Variants in DLC1 observed in about 807,000 individuals in gnomAD.
DLC1 encodes rho GTPase-activating protein 7.
DLC1 carries 54 observed loss-of-function variants against 140.3 expected under a neutral mutation model. The observed-to-expected ratio is 0.38, with a 90% CI of 0.31 to 0.48. The LOEUF is 0.48. Among genes scored for constraint, DLC1 ranks in the 20% least tolerant of loss-of-function variants. The probability of loss-of-function intolerance (pLI) is 0.96; values close to 1 mark genes in which losing one functional copy is unlikely to be tolerated. For missense variants in DLC1, 2,536 were observed against 1,907.0 expected (o/e 1.33, Z -6.14); for synonymous variants, 986 against 728.1 (o/e 1.35, Z -5.70).
At chr8:13,132,047 G>A (rs1296066581) in intron 5 of DLC1, among the ~76,000 whole-genome samples, 1 of 152,178 alleles carries the variant, frequency 6.6e-6, no homozygotes, top group Non-Finnish European at 1.5e-5. Flanking sequence ...CTGTCGCCTT[G>A]TTACGAAAAT....
At chr8:13,319,043 G>T (rs1052046344) in intron 4 of DLC1, among the ~76,000 whole-genome samples, 2 of 152,182 alleles carry the variant, frequency 1.3e-5, no homozygotes, top group African/African-American at 4.8e-5. Context: ...GCTGGCTTTT[G>T]CAGACCTGGA....
At chr8:13,560,412 G>A (rs1397257621) in intron 1 of DLC1, among the ~76,000 whole-genome samples, 2 of 152,122 alleles carry the variant, frequency 1.3e-5, no homozygotes, top group Non-Finnish European at 2.9e-5. Flanking sequence ...AGAATATAAC[G>A]TGTACTCACA....
chr8:13,346,896 C>A (rs183446047), intron 4 of DLC1, among the ~76,000 whole-genome samples: 1 of 152,164 alleles, frequency 6.6e-6, no homozygotes, highest in East Asian at 1.9e-4. Context: ...TCACTTTCTC[C>A]GGTTTCAGTT....
intron 2 of DLC1, among the ~76,000 whole-genome samples, chr8:13,423,545 T>G (rs1838414776): frequency 6.6e-6 from 1 of 152,112 alleles, no homozygotes; most frequent in Admixed American, 6.5e-5. Context: ...CTAATTATAA[T>G]TATAAGAAGT....
chr8:13,351,143 A>G (rs1242767975), intron 4 of DLC1, among the ~76,000 whole-genome samples: 2 of 152,220 alleles, frequency 1.3e-5, no homozygotes. Context: ...ATATTTTCAA[A>G]TAACGAGGCT....
intron 5 of DLC1, among the ~76,000 whole-genome samples, chr8:13,265,589 A>G (rs756938355): frequency 1.3e-5 from 2 of 152,076 alleles, no homozygotes; most frequent in East Asian, 1.9e-4. Context: ...TCCATTTGTC[A>G]TAGTCTCCAA....
intron 4 of DLC1, among the ~76,000 whole-genome samples, chr8:13,355,045 A>G (rs920537473): frequency 6.6e-6 from 1 of 152,006 alleles, no homozygotes; most frequent in Non-Finnish European, 1.5e-5. Context: ...TGGGAGAGTT[A>G]TAGTCATAAT....
intron 2 of DLC1, chr8:13,498,784 A>G: frequency 2.9e-6 from 1 of 341,430 alleles, no homozygotes; most frequent in Non-Finnish European, 5.2e-6. Flanking sequence ...AAAGAAAGGG[A>G]TACCAATCCT....
intron 1 of DLC1, among the ~76,000 whole-genome samples, chr8:13,565,142 G>T (rs1804382183): frequency 6.6e-6 from 1 of 151,966 alleles, no homozygotes; most frequent in African/African-American, 2.4e-5. Context: ...CTGTCCACTG[G>T]GTCACGCTGA....
In DLC1 at chr8:13,474,763, G is replaced by A. The variant is rs371260712; in HGVS notation, c.1023+24286C>T. The stretch of plus-strand genomic sequence containing the variant: ...AGATGTGACTGCTCCATTGGATTTC[G>A]GACTTGCAAGGGGCCTGTAGCCCCT... On this transcript the variant is annotated intron_variant, in intron 2 of 17. Coordinates refer to ENST00000276297, the MANE Select transcript of DLC1 (RefSeq NM_182643.3). Among the ~76,000 whole-genome samples, 320 of 152,292 alleles carry A rather than the reference G, an allele frequency of 2.1e-3. 7 individuals are homozygous for A. The South Asian group carries it at 0.057, about 27-fold the overall frequency.
chr8:13,097,261 A>ATTATTATTATTG (rs2128934499), intron 10 of DLC1, among the ~76,000 whole-genome samples: 1 of 150,132 alleles, frequency 6.7e-6, no homozygotes, highest in South Asian at 2.1e-4. Context: ...TATTATTATT[A>ATTATTATTATTG]TTATTATTAT....
intron 1 of DLC1, among the ~76,000 whole-genome samples, chr8:13,587,473 T>C (rs1363464106): frequency 1.3e-5 from 2 of 150,882 alleles, no homozygotes; most frequent in Non-Finnish European, 1.5e-5. Flanking sequence ...TTGAAGAGCT[T>C]TATAGAATCT....
At chr8:13,455,676 C>G (rs560575131) in intron 2 of DLC1, among the ~76,000 whole-genome samples, 2 of 152,266 alleles carry the variant, frequency 1.3e-5, no homozygotes, top group Admixed American at 1.3e-4. Context: ...CAACAGTTGT[C>G]ATTTCACTTA....
chr8:13,128,339 T>A (rs954933479), intron 5 of DLC1, among the ~76,000 whole-genome samples: 1 of 152,160 alleles, frequency 6.6e-6, no homozygotes, highest in Non-Finnish European at 1.5e-5. Context: ...CTCCCCCAAA[T>A]GTTAAAGACA....
chr8:13,287,960 A>T (rs1831595038), intron 5 of DLC1, among the ~76,000 whole-genome samples: 1 of 152,090 alleles, frequency 6.6e-6, no homozygotes, highest in Non-Finnish European at 1.5e-5. Flanking sequence ...ATCTTTAGAA[A>T]CAGCTATTTT....
chr8:13,436,389 T>A (rs1839123985), intron 2 of DLC1, among the ~76,000 whole-genome samples: 1 of 152,238 alleles, frequency 6.6e-6, no homozygotes, highest in African/African-American at 2.4e-5. Context: ...TACTGTCCAG[T>A]ATTCAATTAC....
intron 1 of DLC1, among the ~76,000 whole-genome samples, chr8:13,557,049 G>C (rs1240920283): frequency 6.6e-6 from 1 of 152,194 alleles, no homozygotes; most frequent in Non-Finnish European, 1.5e-5. Context: ...TGAAGGGTGA[G>C]AAGTGAGCGA....
At chr8:13,565,859 C>A (rs533233878) in intron 1 of DLC1, among the ~76,000 whole-genome samples, 1 of 152,180 alleles carries the variant, frequency 6.6e-6, no homozygotes, top group South Asian at 2.1e-4. Flanking sequence ...TAAAACTCTA[C>A]TGTGTTTTTT....
intron 4 of DLC1, among the ~76,000 whole-genome samples, chr8:13,343,926 T>C (rs1834193456): frequency 6.6e-6 from 1 of 152,104 alleles, no homozygotes; most frequent in Non-Finnish European, 1.5e-5. Flanking sequence ...AAATACTTAG[T>C]TGCTTAAGTT....
Sources: gnomAD v4.1 joint callset for allele counts (sites outside exome capture counted in the v4.1 genomes callset) on GRCh38, gnomAD v4.1.1 for gene constraint, MANE v1.5 for transcripts, NCBI Gene and HGNC (gene_info 2026-07-23, HGNC 2026-07-21) for gene names.